Variants in TSPAN18 observed in about 807,000 individuals in gnomAD.
The protein encoded by TSPAN18 is tetraspanin 18.
In TSPAN18, 14 loss-of-function variants were observed where a neutral mutation model predicts 27.3. The observed-to-expected ratio is 0.51, with a 90% CI of 0.34 to 0.80. The LOEUF is 0.80. Among genes scored for constraint, TSPAN18 ranks in the 30% least tolerant of loss-of-function variants. The pLI, the probability that TSPAN18 is intolerant of heterozygous loss-of-function variation, is 0.01. For missense variants in TSPAN18, 268 were observed against 323.9 expected (o/e 0.83, Z 1.32); for synonymous variants, 143 against 136.5 (o/e 1.05, Z -0.33).
intron 2 of TSPAN18, among the ~76,000 whole-genome samples, chr11:44,823,728 G>T (rs529185486): frequency 2.0e-5 from 3 of 152,190 alleles, no homozygotes; most frequent in Admixed American, 2.0e-4. Context: ...GCCCCTATTT[G>T]TCTCCTGCTG....
At chr11:44,854,875 A>G (rs1857695759) in intron 2 of TSPAN18, among the ~76,000 whole-genome samples, 1 of 152,184 alleles carries the variant, frequency 6.6e-6, no homozygotes, top group Non-Finnish European at 1.5e-5. Flanking sequence ...TCAGATTCTA[A>G]TTTGGTTTGT....
At chr11:44,835,552 C>T (rs976507476) in intron 2 of TSPAN18, among the ~76,000 whole-genome samples, 2 of 151,834 alleles carry the variant, frequency 1.3e-5, no homozygotes, top group African/African-American at 4.8e-5. Flanking sequence ...TTTGCTGAGA[C>T]AGCGATCTGC....
chr11:44,850,032 G>A (rs1052524430), intron 2 of TSPAN18, among the ~76,000 whole-genome samples: 2 of 152,176 alleles, frequency 1.3e-5, no homozygotes, highest in Non-Finnish European at 2.9e-5. Context: ...TTAAGGGTGA[G>A]AGATGGACTA....
At chr11:44,846,423 G>A (rs1170805749) in intron 2 of TSPAN18, among the ~76,000 whole-genome samples, 1 of 152,252 alleles carries the variant, frequency 6.6e-6, no homozygotes, top group African/African-American at 2.4e-5. Flanking sequence ...GAGGGCGCTT[G>A]GCAGGGGCCT....
chr11:44,827,734 T>C (rs537581382), intron 2 of TSPAN18, among the ~76,000 whole-genome samples: 10 of 152,298 alleles, frequency 6.6e-5, no homozygotes, highest in South Asian at 6.2e-4. Flanking sequence ...TGTGGGAAGC[T>C]CAGTGTGCAT....
chr11:44,773,974 T>C (rs73450638), intron 2 of TSPAN18, among the ~76,000 whole-genome samples: 10,767 of 152,202 alleles, frequency 0.071, 561 homozygotes, highest in African/African-American at 0.15. Context: ...CCCGGTCCTG[T>C]GCTCCTCAGT....
At chr11:44,847,164 G>C (rs1371513254) in intron 2 of TSPAN18, among the ~76,000 whole-genome samples, 3 of 152,162 alleles carry the variant, frequency 2.0e-5, no homozygotes, top group African/African-American at 7.2e-5. Flanking sequence ...GCTCTAGAAG[G>C]ATGGGAAGGA....
chr11:44,758,949 A>G (rs141064821), intron 1 of TSPAN18, among the ~76,000 whole-genome samples: 292 of 152,338 alleles, frequency 1.9e-3, no homozygotes, highest in African/African-American at 6.5e-3. Context: ...ATACTGGGGA[A>G]TTAGTCCCTG....
chr11:44,876,955 C>T (rs938023143), intron 3 of TSPAN18, among the ~76,000 whole-genome samples: 14 of 152,344 alleles, frequency 9.2e-5, no homozygotes, highest in African/African-American at 3.4e-4. Flanking sequence ...GGGAAGAGCC[C>T]ACCAGGAGCA....
intron 2 of TSPAN18, among the ~76,000 whole-genome samples, chr11:44,818,751 C>T (rs147680525): frequency 9.9e-5 from 15 of 152,276 alleles, no homozygotes; most frequent in African/African-American, 3.4e-4. Context: ...CCCTACATAG[C>T]AATAGTTATT....
intron 3 of TSPAN18, chr11:44,886,098 C>T (rs572272563): frequency 1.4e-4 from 22 of 152,338 alleles, no homozygotes; most frequent in African/African-American, 4.8e-4. Flanking sequence ...CTTCGAGGTT[C>T]AGGAAACTTG....
intron 2 of TSPAN18, among the ~76,000 whole-genome samples, chr11:44,790,377 G>A (rs1433045062): frequency 6.6e-6 from 1 of 150,406 alleles, no homozygotes; most frequent in East Asian, 2.0e-4. Context: ...ATGTTTGTGT[G>A]CGTGTGTGTG....
At chr11:44,740,969 G>A (rs979059297) in intron 1 of TSPAN18, among the ~76,000 whole-genome samples, 9 of 152,158 alleles carry the variant, frequency 5.9e-5, no homozygotes, top group Non-Finnish European at 8.8e-5. Context: ...TAGTAGAGAC[G>A]AGGTTTTGCC....
rs192066460 is a variant in TSPAN18, at chr11:44,730,699, C to T, written c.-240+3412C>T. On this transcript the variant is annotated intron_variant, in intron 1 of 9. Coordinates refer to ENST00000520358, the MANE Select transcript of TSPAN18 (RefSeq NM_130783.5). ...AGTGCAGTGGTGCGATCTTGGCTCA[C>T]TGCAACCTCTGCCTCCCGAGTTCAA... 2.5e-3 allele frequency among the ~76,000 whole-genome samples: 380 copies of T among 151,848 alleles called. 1 individual carries two copies. Among genetic ancestry groups the T allele is most frequent in the African/African-American group, 8.7e-3 (360 of 41,370 alleles).
chr11:44,774,637 C>T (rs1248664880), intron 2 of TSPAN18, among the ~76,000 whole-genome samples: 1 of 152,200 alleles, frequency 6.6e-6, no homozygotes, highest in African/African-American at 2.4e-5. Flanking sequence ...ATCCTCCCTT[C>T]TTCCCTCCTT....
At chr11:44,902,655 G>A (rs1297624556) in intron 3 of TSPAN18, among the ~76,000 whole-genome samples, 1 of 152,218 alleles carries the variant, frequency 6.6e-6, no homozygotes, top group East Asian at 1.9e-4. Flanking sequence ...TGCCCTCTGG[G>A]AGGGCAGGGC....
chr11:44,739,651 G>A (rs1396934059), intron 1 of TSPAN18, among the ~76,000 whole-genome samples: 1 of 152,208 alleles, frequency 6.6e-6, no homozygotes, highest in African/African-American at 2.4e-5. Context: ...AAGTAATCAT[G>A]TCTTCCTGGT....
At chr11:44,755,207 C>A (rs1180127245) in intron 1 of TSPAN18, among the ~76,000 whole-genome samples, 2 of 151,980 alleles carry the variant, frequency 1.3e-5, no homozygotes, top group Non-Finnish European at 2.9e-5. Flanking sequence ...TCTGGGTAGA[C>A]CCTTGGGGCC....
chr11:44,788,666 C>G (rs1357464041), intron 2 of TSPAN18, among the ~76,000 whole-genome samples: 1 of 152,048 alleles, frequency 6.6e-6, no homozygotes, highest in Non-Finnish European at 1.5e-5. Context: ...CCAGGATGGT[C>G]TCTGTCTCCT....
Sources: gnomAD v4.1 joint callset for allele counts (sites outside exome capture counted in the v4.1 genomes callset) on GRCh38, gnomAD v4.1.1 for gene constraint, MANE v1.5 for transcripts, NCBI Gene and HGNC (gene_info 2026-07-23, HGNC 2026-07-21) for gene names.